The following MMS22L variants were observed in gnomAD, a reference collection of about 807,000 sequenced individuals.
MMS22L encodes MMS22 like, DNA repair protein, also known as protein MMS22-like.
In MMS22L, 74 loss-of-function variants were observed where a neutral mutation model predicts 159.1. The observed-to-expected ratio is 0.47, with a 90% CI of 0.39 to 0.56. The LOEUF is 0.56. Among genes scored for constraint, MMS22L ranks in the 20% least tolerant of loss-of-function variants. The pLI, the probability that MMS22L is intolerant of heterozygous loss-of-function variation, is 0.00. For synonymous variants in MMS22L, 517 were observed against 506.9 expected (o/e 1.02, Z -0.27); for missense variants, 1,351 against 1,422.1 (o/e 0.95, Z 0.80).
chr6:97,178,802 C>G (rs1051799694), intron 17 of MMS22L, among the ~76,000 whole-genome samples: 1 of 151,936 alleles, frequency 6.6e-6, no homozygotes, highest in South Asian at 2.1e-4. Context: ...TCATGTAACA[C>G]CAACTAATAT....
At chr6:97,238,062 A>C (rs1469116098) in intron 11 of MMS22L, among the ~76,000 whole-genome samples, 2 of 152,240 alleles carry the variant, frequency 1.3e-5, no homozygotes, top group East Asian at 1.9e-4. Flanking sequence ...AGTTAAACAT[A>C]TGAAAATTCA....
rs139922406 is a variant in MMS22L, at chr6:97,225,289, A to G, written c.2039+3605T>C. Among the ~76,000 whole-genome samples the G allele has an allele frequency of 1.9e-3, 294 of 152,192 alleles. 2 individuals carry two copies. Among genetic ancestry groups the G allele is most frequent in the African/African-American group, 6.8e-3 (284 of 41,532 alleles). ...TGCTTTCTTTGTATTTTTAATGTCT[A>G]TCCAGCCTTCAAATTAAGTCTAATA... On this transcript the variant is annotated intron_variant, in intron 14 of 24. Coordinates refer to ENST00000683635, the MANE Select transcript of MMS22L (RefSeq NM_001350599.2).
intron 14 of MMS22L, among the ~76,000 whole-genome samples, chr6:97,198,153 G>A (rs981096956): frequency 9.9e-5 from 15 of 152,154 alleles, no homozygotes; most frequent in Non-Finnish European, 8.8e-5. Context: ...GAAATGCAAT[G>A]TAGGAAGTCC....
rs1197852502 is a variant in MMS22L, at chr6:97,233,845, T to A, written c.1302+16A>T. On this transcript the variant is annotated intron_variant, in intron 12 of 24. Coordinates refer to ENST00000683635, the MANE Select transcript of MMS22L (RefSeq NM_001350599.2). The stretch of plus-strand genomic sequence containing the variant: ...TTTTAAAATTCCTGGAGCAAATTCC[T>A]ATTCTATTCACTCACCAGGTTCTTA... 1.3e-6 allele frequency: 2 copies of A among 1,583,506 alleles called. No homozygotes were observed. The highest frequency in any genetic ancestry group is 1.7e-6 in the Non-Finnish European group (2 of 1,168,564).
chr6:97,238,722 T>C (rs1175529653), intron 11 of MMS22L, among the ~76,000 whole-genome samples: 2 of 148,370 alleles, frequency 1.3e-5, no homozygotes, highest in Non-Finnish European at 3.0e-5. Context: ...GAATGTCTTA[T>C]CTTTATTTTG....
At chr6:97,171,310 A>G (rs549896319) in intron 19 of MMS22L, among the ~76,000 whole-genome samples, 11 of 152,188 alleles carry the variant, frequency 7.2e-5, no homozygotes, top group Non-Finnish European at 1.2e-4. Context: ...TATAAATAAT[A>G]TCATATCACA....
At chr6:97,233,618 C>T (rs1811094121) in intron 12 of MMS22L, among the ~76,000 whole-genome samples, 1 of 152,084 alleles carries the variant, frequency 6.6e-6, no homozygotes, top group Non-Finnish European at 1.5e-5. Flanking sequence ...ATATCTGATA[C>T]ATTTTAGCTA....
chr6:97,219,212 C>G (rs575132097), intron 14 of MMS22L, among the ~76,000 whole-genome samples: 15 of 152,124 alleles, frequency 9.9e-5, no homozygotes, highest in Non-Finnish European at 2.2e-4. Context: ...GCATACATTT[C>G]TCTTGAAATG....
At chr6:97,180,189 C>T (rs1400380865) in intron 16 of MMS22L, among the ~76,000 whole-genome samples, 3 of 151,954 alleles carry the variant, frequency 2.0e-5, no homozygotes, top group Admixed American at 6.6e-5. Context: ...GCAAGCTCTG[C>T]CTCCCGGGTT....
chr6:97,177,579 C>A (rs114392629), intron 18 of MMS22L, among the ~76,000 whole-genome samples: 1 of 152,084 alleles, frequency 6.6e-6, no homozygotes, highest in African/African-American at 2.4e-5. Flanking sequence ...GCTCCTAGCA[C>A]ACCACAGGCA....
chr6:97,228,750 C>A (rs1810522229), intron 14 of MMS22L, 144 bp downstream of exon 14: 1 of 712,962 alleles, frequency 1.4e-6, no homozygotes, highest in South Asian at 2.3e-5. Flanking sequence ...TGATTTATGC[C>A]CATGTAGTAG....
At position 97,241,244 on chromosome 6, in the gene MMS22L, A is replaced by G. The variant is rs558458306; in HGVS notation, c.1182+5384T>C. 4.1e-4 allele frequency among the ~76,000 whole-genome samples: 62 copies of G among 152,278 alleles called. 1 individual carries two copies. The highest frequency in any genetic ancestry group is 1.4e-3 in the African/African-American group (59 of 41,558). On this transcript the variant is annotated intron_variant, in intron 11 of 24. Coordinates refer to ENST00000683635, the MANE Select transcript of MMS22L (RefSeq NM_001350599.2). ...ATTGGGCTGGTTCCATATTTTTGCA[A>G]TTGCAAATTGTGCTGCTATAAACAT...
intron 9 of MMS22L, 70 bp downstream of exon 9, chr6:97,263,265 G>A: frequency 1.0e-6 from 1 of 978,664 alleles, no homozygotes; most frequent in Non-Finnish European, 1.5e-6. Context: ...ATTTTTCTCA[G>A]TTAAAACCAT....
rs2128105699 is a variant in MMS22L, at chr6:97,282,403, T to A, written c.75A>T (p.Lys25Asn). 6.2e-7 allele frequency: 1 copy of A among 1,613,758 alleles called. No homozygotes were observed. The highest frequency in any genetic ancestry group is 2.2e-5 in the East Asian group (1 of 44,864). The change falls in exon 2 of 25, where the codon AAA becomes AAT. Residue 25 changes from lysine (K) to asparagine (N), a missense_variant. Transcript: ENST00000683635. ...LELELGTEWC[K>N]PPYFSCAVDN... The stretch of plus-strand genomic sequence containing the variant: ...CAACAGCACAAGAAAAGTAAGGAGG[T>A]TTGCACCATTCCGTCCCCAGCTCCA...
In MMS22L at chr6:97,268,753, A is replaced by C. The variant is rs553140050; in HGVS notation, c.698-751T>G. On this transcript the variant is annotated intron_variant, in intron 7 of 24. Coordinates refer to ENST00000683635, the MANE Select transcript of MMS22L (RefSeq NM_001350599.2). ...ACCAAAATTTTTACTTATCAGAATAAGTCCACTTGAGTATTACTCTAAGAA... is the reference window on the plus strand; with the variant it reads ...ACCAAAATTTTTACTTATCAGAATACGTCCACTTGAGTATTACTCTAAGAA... Among the ~76,000 whole-genome samples the C allele has an allele frequency of 2.4e-4, 37 of 152,292 alleles. No homozygotes were observed. The South Asian group carries it at 2.5e-3, about 10-fold the overall frequency.
Position 97,241,964 on chromosome 6 carries a change from G to A in MMS22L, c.1182+4664C>T, listed in dbSNP as rs548296391. Among the ~76,000 whole-genome samples the A allele has an allele frequency of 5.9e-5, 9 of 152,258 alleles. No individual in the cohort carries two copies. The South Asian group carries it at 1.2e-3, about 21-fold the overall frequency. On this transcript the variant is annotated intron_variant, in intron 11 of 24. Coordinates refer to ENST00000683635, the MANE Select transcript of MMS22L (RefSeq NM_001350599.2). Reference sequence around the variant, plus strand: ...CCAATTTTATTCCACTGTGGTCTGGGAGAGTACTTGATATAATTTCAATTT... The same window carrying A: ...CCAATTTTATTCCACTGTGGTCTGGAAGAGTACTTGATATAATTTCAATTT...
rs1385562635 is a variant in MMS22L, at chr6:97,176,912, A to C, written c.2679+1531T>G. Among the ~76,000 whole-genome samples the C allele has an allele frequency of 2.0e-5, 3 of 152,156 alleles. No individual in the cohort carries two copies. In the East Asian group the frequency reaches 5.8e-4, roughly 29 times the overall value. ...TATGCTAAGTCCTATGAATCACAGA[A>C]CCGAGGGATAATCTTGGGGAGACCT... is the stretch of plus-strand genomic sequence containing the variant. On this transcript the variant is annotated intron_variant, in intron 18 of 24. Coordinates refer to ENST00000683635, the MANE Select transcript of MMS22L (RefSeq NM_001350599.2).
intron 2 of MMS22L, 31 bp downstream of exon 2, chr6:97,282,283 A>G (rs376204308): frequency 1.9e-6 from 3 of 1,606,284 alleles, no homozygotes; most frequent in Non-Finnish European, 2.6e-6. Context: ...GAATAATCAG[A>G]TGAGGGAAAA....
chr6:97,246,947 C>T (rs1046602528), intron 10 of MMS22L, among the ~76,000 whole-genome samples: 25 of 150,254 alleles, frequency 1.7e-4, no homozygotes, highest in Admixed American at 2.0e-4. Context: ...AATATTCTAC[C>T]AAATATTTAA....
Sources: allele counts gnomAD v4.1 joint callset (sites outside exome capture counted in the v4.1 genomes callset), GRCh38; gene constraint gnomAD v4.1.1; transcripts MANE v1.5; gene names NCBI Gene and HGNC (gene_info 2026-07-23, HGNC 2026-07-21).